The following HMGCLL1 variants were observed in gnomAD, a reference collection of about 807,000 sequenced individuals.
The protein encoded by HMGCLL1 is 3-hydroxy-3-methylglutaryl-CoA lyase like 1.
Under a neutral mutation model 39.1 loss-of-function variants are expected in HMGCLL1, and 36 were observed. The observed-to-expected ratio is 0.92, with a 90% CI of 0.71 to 1.22. HMGCLL1 has a LOEUF of 1.22. Among genes scored for constraint, HMGCLL1 ranks in the 50% most tolerant of loss-of-function variants. The pLI is 0.00. For missense variants in HMGCLL1, 451 were observed against 416.5 expected, an observed-to-expected ratio of 1.08 and a Z score of -0.72; for synonymous variants, 149 against 144.0, an observed-to-expected ratio of 1.03 and a Z score of -0.25.
chr6:55,554,331 T>C (rs934403592), intron 1 of HMGCLL1, among the ~76,000 whole-genome samples: 18 of 152,118 alleles, frequency 1.2e-4, no homozygotes, highest in African/African-American at 4.3e-4. Context: ...AAACATAGTT[T>C]TGGGGTGTAA....
intron 1 of HMGCLL1, among the ~76,000 whole-genome samples, chr6:55,573,813 C>A (rs959895819): frequency 1.1e-4 from 16 of 151,950 alleles, no homozygotes; most frequent in Non-Finnish European, 1.6e-4. Context: ...ATATGAAACC[C>A]AACAAACATC....
the HMGCLL1 span, among the ~76,000 whole-genome samples, chr6:55,587,311 T>G: frequency 6.6e-6 from 1 of 152,090 alleles, no homozygotes; most frequent in African/African-American, 2.4e-5. Flanking sequence ...GTCAGATGAA[T>G]AGATTGCAAA....
At chr6:55,514,397 A>G (rs1029304653) in intron 4 of HMGCLL1, among the ~76,000 whole-genome samples, 2 of 152,214 alleles carry the variant, frequency 1.3e-5, no homozygotes, top group Admixed American at 6.5e-5. Context: ...AATAATCCAC[A>G]AACTGCAATA....
the HMGCLL1 span, among the ~76,000 whole-genome samples, chr6:55,633,360 G>T: frequency 1.3e-5 from 2 of 151,800 alleles, no homozygotes; most frequent in African/African-American, 4.8e-5. Context: ...GTTGTTCATG[G>T]AAAAGGGAAG....
rs1017007744 is a variant in HMGCLL1 at position 55,481,442 on chromosome 6, G to T, written c.795+13977C>A. On this transcript the variant is annotated intron_variant, in intron 7 of 8. Transcript: ENST00000274901. Reference sequence around the variant, plus strand: ...ATACAAAGAAAGGATAAATGCTTGAGGTGATAGATACCCCATTTATCCTTA... The same window carrying T: ...ATACAAAGAAAGGATAAATGCTTGATGTGATAGATACCCCATTTATCCTTA... Among the ~76,000 whole-genome samples, 7 of 151,974 alleles carry T rather than the reference G, an allele frequency of 4.6e-5. No homozygotes were observed. In the East Asian group the frequency reaches 1.4e-3, roughly 29 times the overall value.
intron 3 of HMGCLL1, 44 bp downstream of exon 3, chr6:55,541,685 G>A (rs1007087257): frequency 4.3e-6 from 4 of 937,754 alleles, no homozygotes; most frequent in Non-Finnish European, 6.7e-6. Flanking sequence ...ATTTTTTGGT[G>A]AAGTTGAATT....
chr6:55,598,505 C>A, the HMGCLL1 span, among the ~76,000 whole-genome samples: 1 of 152,136 alleles, frequency 6.6e-6, no homozygotes, highest in African/African-American at 2.4e-5. Context: ...CCTCCTGTTA[C>A]CACGCTAACA....
intron 7 of HMGCLL1, among the ~76,000 whole-genome samples, chr6:55,464,633 T>G (rs1764720172): frequency 6.6e-6 from 1 of 152,076 alleles, no homozygotes; most frequent in Non-Finnish European, 1.5e-5. Flanking sequence ...CTCCCAAAAT[T>G]TCCTACAGGT....
Position 55,499,321 on chromosome 6 carries a change from A to C in HMGCLL1, c.543-22T>G, listed in dbSNP as rs761910177. On this transcript the variant is annotated intron_variant, in intron 5 of 8. Coordinates refer to ENST00000274901, the MANE Select transcript of HMGCLL1 (RefSeq NM_001042406.2). ...ATACCTAAATTAAAAATACAGCCTTATAAATATGCATATGGTAAATAAGCC... is the reference window on the plus strand; with the variant it reads ...ATACCTAAATTAAAAATACAGCCTTCTAAATATGCATATGGTAAATAAGCC... The C allele has an allele frequency of 4.8e-5, 73 of 1,535,756 alleles. No homozygotes were observed. In the East Asian group the frequency reaches 1.6e-3, roughly 34 times the overall value.
At chr6:55,566,852 A>T (rs1254744968) in intron 1 of HMGCLL1, among the ~76,000 whole-genome samples, 1 of 152,118 alleles carries the variant, frequency 6.6e-6, no homozygotes, top group Non-Finnish European at 1.5e-5. Flanking sequence ...ATAAGAACTA[A>T]AGCTACTAAT....
chr6:55,541,888 C>G (rs751446215), intron 2 of HMGCLL1, 52 bp from the exon 3 acceptor site: 8 of 1,124,084 alleles, frequency 7.1e-6, no homozygotes, highest in Non-Finnish European at 1.0e-5. Flanking sequence ...CCTATTTAAG[C>G]ACAAACAGAA....
chr6:55,655,997 T>C, the HMGCLL1 span, among the ~76,000 whole-genome samples: 2 of 151,974 alleles, frequency 1.3e-5, no homozygotes, highest in African/African-American at 2.4e-5. Flanking sequence ...ATCTCATATA[T>C]TCTCTTGATT....
chr6:55,634,758 G>A, the HMGCLL1 span, among the ~76,000 whole-genome samples: 3 of 152,096 alleles, frequency 2.0e-5, no homozygotes, highest in Non-Finnish European at 4.4e-5. Flanking sequence ...GGAAATAGAA[G>A]ATCCCTCAGA....
intron 7 of HMGCLL1, among the ~76,000 whole-genome samples, chr6:55,478,188 T>C (rs1429494455): frequency 1.3e-5 from 2 of 151,124 alleles, no homozygotes; most frequent in Admixed American, 1.3e-4. Context: ...TAATCTCTTG[T>C]TACATTTTGA....
chr6:55,552,241 A>T (rs1163383897), intron 1 of HMGCLL1, among the ~76,000 whole-genome samples: 1 of 152,024 alleles, frequency 6.6e-6, no homozygotes, highest in Non-Finnish European at 1.5e-5. Flanking sequence ...CATGTAGCAT[A>T]GAGATTTAAA....
At chr6:55,554,276 G>C (rs1770526523) in intron 1 of HMGCLL1, among the ~76,000 whole-genome samples, 1 of 152,064 alleles carries the variant, frequency 6.6e-6, no homozygotes, top group South Asian at 2.1e-4. Flanking sequence ...CACAAGCTAG[G>C]CTTTAATTTC....
intron 7 of HMGCLL1, among the ~76,000 whole-genome samples, chr6:55,470,525 T>A (rs1220495552): frequency 6.6e-6 from 1 of 151,878 alleles, no homozygotes; most frequent in Non-Finnish European, 1.5e-5. Flanking sequence ...CATTGACATA[T>A]TTCATTTTTT....
At chr6:55,635,950 G>A in the HMGCLL1 span, among the ~76,000 whole-genome samples, 1 of 152,042 alleles carries the variant, frequency 6.6e-6, no homozygotes, top group Non-Finnish European at 1.5e-5. Context: ...TTCCAGCATC[G>A]CCCACCCTCT....
the HMGCLL1 span, among the ~76,000 whole-genome samples, chr6:55,633,129 G>A: frequency 6.6e-6 from 1 of 151,996 alleles, no homozygotes; most frequent in African/African-American, 2.4e-5. Context: ...TCACTCACTA[G>A]CAAGTGACTC....
Sources: gnomAD v4.1 joint callset for allele counts (sites outside exome capture counted in the v4.1 genomes callset) on GRCh38, gnomAD v4.1.1 for gene constraint, MANE v1.5 for transcripts, NCBI Gene and HGNC (gene_info 2026-07-23, HGNC 2026-07-21) for gene names.